Variants in KLRF1 observed in about 807,000 individuals in gnomAD.
KLRF1 encodes killer cell lectin-like receptor subfamily F member 1.
A neutral mutation model predicts 30.7 loss-of-function variants in KLRF1; 27 were observed. The ratio of observed to expected loss-of-function variants is 0.88; its 90% CI spans 0.65 to 1.21. KLRF1 has a LOEUF of 1.21. Among genes scored for constraint, KLRF1 ranks in the 50% most tolerant of loss-of-function variants. The pLI, the probability that KLRF1 is intolerant of heterozygous loss-of-function variation, is 0.00. For missense variants in KLRF1, 246 were observed against 259.3 expected (o/e 0.95, Z 0.35); for synonymous variants, 92 against 89.3 (o/e 1.03, Z -0.17).
the KLRF1 span, among the ~76,000 whole-genome samples, chr12:9,815,214 T>A: frequency 6.6e-6 from 1 of 152,238 alleles, no homozygotes; most frequent in Non-Finnish European, 1.5e-5. Context: ...AATTGCACCT[T>A]CAAATTAACT....
chr12:9,837,904 C>T (rs1352869368), intron 3 of KLRF1, among the ~76,000 whole-genome samples: 1 of 152,162 alleles, frequency 6.6e-6, no homozygotes, highest in African/African-American at 2.4e-5. Context: ...CTACTGATAG[C>T]AAGGCCACCT....
At chr12:9,836,210 C>T (rs1405391874) in intron 3 of KLRF1, among the ~76,000 whole-genome samples, 1 of 151,952 alleles carries the variant, frequency 6.6e-6, no homozygotes, top group Non-Finnish European at 1.5e-5. Flanking sequence ...GTCTGTTTGT[C>T]CTTACCCTAC....
At chr12:9,803,632 A>G in the KLRF1 span, among the ~76,000 whole-genome samples, 15 of 152,038 alleles carry the variant, frequency 9.9e-5, no homozygotes, top group African/African-American at 3.4e-4. Context: ...TTTATTTAAA[A>G]ATTTTTCTCT....
At chr12:9,833,634 A>C (rs1439077325) in intron 3 of KLRF1, among the ~76,000 whole-genome samples, 182 bp downstream of exon 3, 1 of 152,200 alleles carries the variant, frequency 6.6e-6, no homozygotes, top group Admixed American at 6.5e-5. Context: ...AAATGGTAAA[A>C]CAACACAAGA....
the KLRF1 span, among the ~76,000 whole-genome samples, chr12:9,815,168 TTTC>T: frequency 3.9e-5 from 6 of 152,190 alleles, no homozygotes; most frequent in Non-Finnish European, 8.8e-5. Context: ...CAAGAATACT[TTTC>T]TTATAAATCA....
rs1867491021 is a variant in KLRF1, at chr12:9,833,393, G to A, written c.275G>A (p.Gly92Asp). ...EDTGDLKVNN[G>D]TRRNISNKDL... ...ACTGGAGATCTAAAAGTGAATAATG[G>A]CACAAGAAGAAATATAAGTAATAAG... The change falls in exon 3 of 6, where the codon GGC becomes GAC. Residue 92 changes from glycine to aspartate, a missense_variant. Gly to Asp is a moderately conservative substitution (Grantham distance 94). Transcript: ENST00000617889. The A allele has an allele frequency of 6.2e-7, 1 of 1,612,200 alleles. No homozygotes were observed. The highest frequency in any genetic ancestry group is 8.5e-7 in the Non-Finnish European group (1 of 1,179,050).
chr12:9,809,988 A>G, the KLRF1 span, among the ~76,000 whole-genome samples: 1 of 152,196 alleles, frequency 6.6e-6, no homozygotes, highest in Non-Finnish European at 1.5e-5. Flanking sequence ...CAAGGTTGAT[A>G]AATCTGCAAG....
intron 3 of KLRF1, among the ~76,000 whole-genome samples, chr12:9,836,474 G>T (rs1294377989): frequency 6.6e-6 from 1 of 151,990 alleles, no homozygotes; most frequent in East Asian, 1.9e-4. Context: ...GCTGGCAGGG[G>T]ACCCTCCAAT....
the KLRF1 span, among the ~76,000 whole-genome samples, chr12:9,821,024 G>A: frequency 6.6e-6 from 1 of 152,098 alleles, no homozygotes; most frequent in African/African-American, 2.4e-5. Flanking sequence ...GAGGCTTCCA[G>A]AGGCATCCAA....
At chr12:9,813,345 T>C in the KLRF1 span, among the ~76,000 whole-genome samples, 1 of 152,068 alleles carries the variant, frequency 6.6e-6, no homozygotes, top group East Asian at 1.9e-4. Flanking sequence ...ACTCTTTCTG[T>C]AGCCAGGCTG....
chr12:9,833,900 A>ATTTTTTTTTTTT (rs1867506421), intron 3 of KLRF1, among the ~76,000 whole-genome samples: 2 of 120,748 alleles, frequency 1.7e-5, no homozygotes, highest in African/African-American at 8.0e-5. Context: ...TAAATGTTTA[A>ATTTTTTTTTTTT]CTTTTTTTTT....
At chr12:9,834,630 A>T (rs1363480749) in intron 3 of KLRF1, among the ~76,000 whole-genome samples, 1 of 152,096 alleles carries the variant, frequency 6.6e-6, no homozygotes, top group African/African-American at 2.4e-5. Context: ...GAGAAACTAA[A>T]CGGCAGATAC....
the KLRF1 span, among the ~76,000 whole-genome samples, chr12:9,816,513 C>G: frequency 6.6e-6 from 1 of 151,456 alleles, no homozygotes; most frequent in African/African-American, 2.4e-5. Context: ...ATTTCAATAC[C>G]CTGGTTAGCC....
chr12:9,827,388 A>T, upstream of KLRF1: 1 of 408,230 alleles, frequency 2.4e-6, no homozygotes, highest in East Asian at 3.7e-5. Flanking sequence ...TGAGGTTTTC[A>T]CAAATAAGTG....
the KLRF1 span, among the ~76,000 whole-genome samples, chr12:9,818,196 T>C: frequency 4.6e-5 from 7 of 152,370 alleles, no homozygotes; most frequent in East Asian, 1.3e-3. Flanking sequence ...GGACTGTCTC[T>C]TCTGAGCTCT....
At chr12:9,833,998 G>T (rs988845441) in intron 3 of KLRF1, among the ~76,000 whole-genome samples, 1 of 149,940 alleles carries the variant, frequency 6.7e-6, no homozygotes, top group South Asian at 2.1e-4. Flanking sequence ...GCGAAGGGGA[G>T]ATAGGGGTGA....
upstream of KLRF1, among the ~76,000 whole-genome samples, chr12:9,827,301 A>G (rs1867302756): frequency 1.3e-5 from 2 of 152,226 alleles, no homozygotes; most frequent in Admixed American, 1.3e-4. Flanking sequence ...ATTCAATTCA[A>G]TATGTGGTGG....
chr12:9,813,508 C>T, the KLRF1 span, among the ~76,000 whole-genome samples: 1 of 151,964 alleles, frequency 6.6e-6, no homozygotes, highest in Non-Finnish European at 1.5e-5. Flanking sequence ...TACAAGGTCG[C>T]AATTTCGACT....
At chr12:9,835,733 G>T (rs903235202) in intron 3 of KLRF1, among the ~76,000 whole-genome samples, 4 of 152,102 alleles carry the variant, frequency 2.6e-5, no homozygotes, top group Non-Finnish European at 4.4e-5. Context: ...GGGTTACTAG[G>T]GGAATTCCAG....
Sources: gnomAD v4.1 joint callset for allele counts (sites outside exome capture counted in the v4.1 genomes callset) on GRCh38, gnomAD v4.1.1 for gene constraint, MANE v1.5 for transcripts, NCBI Gene and HGNC (gene_info 2026-07-23, HGNC 2026-07-21) for gene names.